CDC42SE2: variants seen among roughly 807,000 people sequenced by gnomAD.
The protein encoded by CDC42SE2 is CDC42 small effector protein 2.
In CDC42SE2, 3 loss-of-function variants were observed where a neutral mutation model predicts 11.5. That is an observed-to-expected ratio of 0.26 (90% CI 0.12 to 0.67). CDC42SE2 has a LOEUF of 0.67. Ranked by LOEUF, CDC42SE2 falls within the 30% of genes least tolerant of loss-of-function variation. The pLI is 0.80. For synonymous variants in CDC42SE2, 33 were observed against 34.8 expected, an observed-to-expected ratio of 0.95 and a Z score of 0.18; for missense variants, 82 against 106.8, an observed-to-expected ratio of 0.77 and a Z score of 1.02.
chr5:131,273,927 G>A (rs548901807), intron 1 of CDC42SE2, among the ~76,000 whole-genome samples: 1 of 152,074 alleles, frequency 6.6e-6, no homozygotes, highest in Non-Finnish European at 1.5e-5. Context: ...ACAGGTATGT[G>A]CCACCACATC....
At chr5:131,340,898 A>G (rs998671855) in intron 2 of CDC42SE2, among the ~76,000 whole-genome samples, 4 of 152,076 alleles carry the variant, frequency 2.6e-5, no homozygotes, top group African/African-American at 9.7e-5. Context: ...GCTGGTCTCG[A>G]ACTCCTGATC....
intron 3 of CDC42SE2, among the ~76,000 whole-genome samples, chr5:131,360,817 G>A (rs947747678): frequency 4.4e-4 from 67 of 151,200 alleles, no homozygotes; most frequent in African/African-American, 1.6e-3. Context: ...CACCTGCCTC[G>A]GCCTCCCAAA....
intron 1 of CDC42SE2, among the ~76,000 whole-genome samples, chr5:131,291,424 A>G (rs1757455641): frequency 6.6e-6 from 1 of 151,726 alleles, no homozygotes. Context: ...TTTACTATCC[A>G]CTCGGAATTG....
chr5:131,332,744 T>C (rs966964558), intron 2 of CDC42SE2, among the ~76,000 whole-genome samples: 1 of 152,198 alleles, frequency 6.6e-6, no homozygotes, highest in Admixed American at 6.5e-5. Context: ...TTTCATGTGT[T>C]TTTTGGCTGC....
chr5:131,270,299 C>T (rs1227725917), intron 1 of CDC42SE2, among the ~76,000 whole-genome samples: 1 of 151,988 alleles, frequency 6.6e-6, no homozygotes, highest in African/African-American at 2.4e-5. Context: ...GGCATGGACC[C>T]GGGAGGCAGA....
chr5:131,315,624 T>G (rs1175754093), intron 1 of CDC42SE2, among the ~76,000 whole-genome samples: 1 of 152,106 alleles, frequency 6.6e-6, no homozygotes, highest in Non-Finnish European at 1.5e-5. Flanking sequence ...TCAAGAGAGG[T>G]CCAAAATCTG....
At chr5:131,327,155 A>C (rs937175574) in intron 2 of CDC42SE2, among the ~76,000 whole-genome samples, 9 of 152,088 alleles carry the variant, frequency 5.9e-5, no homozygotes, top group African/African-American at 2.2e-4. Flanking sequence ...TTCATTGGGT[A>C]AGTTGAAATT....
intron 2 of CDC42SE2, among the ~76,000 whole-genome samples, chr5:131,327,602 T>A (rs958674153): frequency 2.0e-5 from 3 of 152,238 alleles, no homozygotes; most frequent in Non-Finnish European, 4.4e-5. Context: ...TCAAAACTTT[T>A]AAAATACAGG....
At chr5:131,338,070 G>T (rs1286305882) in intron 2 of CDC42SE2, among the ~76,000 whole-genome samples, 2 of 152,224 alleles carry the variant, frequency 1.3e-5, no homozygotes, top group South Asian at 2.1e-4. Context: ...GCAGACTGGA[G>T]CTGTTCCTAT....
intron 1 of CDC42SE2, among the ~76,000 whole-genome samples, chr5:131,283,366 T>C (rs1757277633): frequency 6.6e-6 from 1 of 152,266 alleles, no homozygotes; most frequent in Non-Finnish European, 1.5e-5. Context: ...ATATTTTCTC[T>C]TTCTAGATTT....
At chr5:131,293,638 C>G (rs1394128685) in intron 1 of CDC42SE2, among the ~76,000 whole-genome samples, 1 of 151,296 alleles carries the variant, frequency 6.6e-6, no homozygotes, top group Non-Finnish European at 1.5e-5. Flanking sequence ...TGATCTTGGA[C>G]TTCCCAGCTT....
At chr5:131,348,108 C>T (rs1010795361) in intron 2 of CDC42SE2, among the ~76,000 whole-genome samples, 2 of 152,160 alleles carry the variant, frequency 1.3e-5, no homozygotes, top group African/African-American at 4.8e-5. Flanking sequence ...CCTCTCTCAA[C>T]ACTCCTATTC....
chr5:131,300,293 A>G (rs1757652573), intron 1 of CDC42SE2, among the ~76,000 whole-genome samples: 1 of 152,154 alleles, frequency 6.6e-6, no homozygotes, highest in Non-Finnish European at 1.5e-5. Flanking sequence ...GGGAGTGAGA[A>G]CAAGTGAGAG....
chr5:131,295,126 C>CAAAA (rs71000989), intron 1 of CDC42SE2, among the ~76,000 whole-genome samples: 1 of 143,184 alleles, frequency 7.0e-6, no homozygotes. Context: ...GACTAAGTCT[C>CAAAA]AAAAAAAAAA....
chr5:131,251,420 A>T (rs1756637612), intron 1 of CDC42SE2, among the ~76,000 whole-genome samples: 1 of 152,228 alleles, frequency 6.6e-6, no homozygotes, highest in Non-Finnish European at 1.5e-5. Flanking sequence ...CTTGTCAAAC[A>T]GCCAAAATGT....
the CDC42SE2 span, among the ~76,000 whole-genome samples, chr5:131,237,695 A>G: frequency 1.3e-5 from 2 of 152,158 alleles, no homozygotes; most frequent in African/African-American, 4.8e-5. Context: ...CCTCCTGCTC[A>G]GCCTCCTGAA....
At chr5:131,381,000 CCT>C (rs1366033456) in intron 3 of CDC42SE2, among the ~76,000 whole-genome samples, 3 of 152,210 alleles carry the variant, frequency 2.0e-5, no homozygotes, top group Non-Finnish European at 4.4e-5. Flanking sequence ...CTTTAATTGA[CCT>C]CTCACCACCT....
chr5:131,388,482 C>A (rs1045199477), intron 4 of CDC42SE2, among the ~76,000 whole-genome samples: 2 of 152,198 alleles, frequency 1.3e-5, no homozygotes, highest in Non-Finnish European at 2.9e-5. Context: ...ATGAAACAGG[C>A]TTGCCTAAAC....
chr5:131,353,880 C>T (rs1462531783), intron 2 of CDC42SE2, among the ~76,000 whole-genome samples: 1 of 151,526 alleles, frequency 6.6e-6, no homozygotes, highest in East Asian at 1.9e-4. Context: ...CCACTGCACT[C>T]TGGCCTCGGT....
Sources: gnomAD v4.1 joint callset for allele counts (sites outside exome capture counted in the v4.1 genomes callset) on GRCh38, gnomAD v4.1.1 for gene constraint, MANE v1.5 for transcripts, NCBI Gene and HGNC (gene_info 2026-07-23, HGNC 2026-07-21) for gene names.